The following SLC4A10 variants were observed in gnomAD, a reference collection of about 807,000 sequenced individuals.
The protein encoded by SLC4A10 is solute carrier family 4 member 10, also known as sodium-driven chloride bicarbonate exchanger.
In SLC4A10, 42 loss-of-function variants were observed where a neutral mutation model predicts 137.7. The observed-to-expected ratio is 0.30, with a 90% confidence interval of 0.24 to 0.39. SLC4A10 has a LOEUF of 0.39. Among genes scored for constraint, SLC4A10 ranks in the 10% least tolerant of loss-of-function variants. The pLI, the probability that SLC4A10 is intolerant of heterozygous loss-of-function variation, is 1.00. For missense variants in SLC4A10, 925 were observed against 1,355.0 expected (o/e 0.68, Z 4.98); for synonymous variants, 474 against 464.1 (o/e 1.02, Z -0.27).
At chr2:161,937,947 C>G (rs1691885427) in intron 15 of SLC4A10, among the ~76,000 whole-genome samples, 1 of 151,836 alleles carries the variant, frequency 6.6e-6, no homozygotes, top group African/African-American at 2.4e-5. Flanking sequence ...TATGCTGAAG[C>G]CCTGTTGACT....
intron 1 of SLC4A10, among the ~76,000 whole-genome samples, chr2:161,670,196 G>A (rs1398448973): frequency 6.6e-6 from 1 of 151,812 alleles, no homozygotes; most frequent in Non-Finnish European, 1.5e-5. Flanking sequence ...TATCCGATTT[G>A]CTGAGAAGGA....
chr2:161,751,412 C>T (rs1464775578), intron 1 of SLC4A10, among the ~76,000 whole-genome samples: 1 of 143,380 alleles, frequency 7.0e-6, no homozygotes, highest in Non-Finnish European at 1.5e-5. Context: ...TTTTGTATAA[C>T]TTCTTCAGGT....
chr2:161,674,392 T>C (rs538940092), intron 1 of SLC4A10, among the ~76,000 whole-genome samples: 2 of 152,340 alleles, frequency 1.3e-5, no homozygotes, highest in South Asian at 4.1e-4. Flanking sequence ...TGGCACCTAA[T>C]AGGCACTAAA....
At chr2:161,981,143 C>G (rs1247156518) in intron 26 of SLC4A10, among the ~76,000 whole-genome samples, 1 of 152,198 alleles carries the variant, frequency 6.6e-6, no homozygotes, top group Non-Finnish European at 1.5e-5. Flanking sequence ...ATCTATGGAT[C>G]AAGTTGATAT....
intron 3 of SLC4A10, among the ~76,000 whole-genome samples, chr2:161,816,000 C>A (rs2057022549): frequency 6.6e-6 from 1 of 152,122 alleles, no homozygotes; most frequent in Non-Finnish European, 1.5e-5. Flanking sequence ...TTCTAGATTT[C>A]ACTTTTTTCA....
rs559481805 is a variant in SLC4A10 at position 161,833,682 on chromosome 2, A to G, written c.278-6107A>G. On this transcript the variant is annotated intron_variant, in intron 3 of 26. Transcript: ENST00000446997. ...ACCATGTGACCCTTGAAACTAATCT[A>G]TGTTATGTATTCAGATTTCTGAACC... 1.5e-4 allele frequency among the ~76,000 whole-genome samples: 23 copies of G among 152,318 alleles called. 1 individual carries two copies. Among genetic ancestry groups the G allele is most frequent in the African/African-American group, 5.5e-4 (23 of 41,570 alleles).
chr2:161,721,786 A>G (rs1304474827), intron 1 of SLC4A10, among the ~76,000 whole-genome samples: 1 of 152,086 alleles, frequency 6.6e-6, no homozygotes, highest in Non-Finnish European at 1.5e-5. Context: ...ATGTTTTCCA[A>G]TTTGGTTCCA....
At chr2:161,824,143 T>A (rs1334865206) in intron 3 of SLC4A10, among the ~76,000 whole-genome samples, 1 of 152,294 alleles carries the variant, frequency 6.6e-6, no homozygotes, top group East Asian at 1.9e-4. Flanking sequence ...CAGGAGCTAA[T>A]GTTCATGAAG....
rs757799595 is a variant in SLC4A10 at position 161,905,706 on chromosome 2, A to G, written c.1816A>G (p.Ile606Val). 1.2e-6 allele frequency: 2 copies of G among 1,613,864 alleles called. No homozygotes were observed. The highest frequency in any genetic ancestry group is 2.7e-5 in the African/African-American group (2 of 74,912). ...TGGACTTTGGACTGCAACTCTATGTATCATACTTGTGGCCACAGATGCTAG... is the reference window on the plus strand; with the variant it reads ...TGGACTTTGGACTGCAACTCTATGTGTCATACTTGTGGCCACAGATGCTAG... ...SIGLWTATLC[I>V]ILVATDASSL... is the part of the protein sequence containing the mutation. Residue 606 changes from isoleucine (I) to valine (V), a missense_variant, in exon 15 of 27, where the codon ATC becomes GTC. Around this residue, in one of 11 missense-constraint regions of SLC4A10, gnomAD observed 61 missense variants for 168.0 expected, o/e 0.36. Transcript: ENST00000446997.
At chr2:161,778,023 A>G (rs1297522244) in intron 2 of SLC4A10, among the ~76,000 whole-genome samples, 1 of 152,104 alleles carries the variant, frequency 6.6e-6, no homozygotes, top group East Asian at 1.9e-4. Flanking sequence ...TGTTATATAG[A>G]CAACCTACTT....
intron 3 of SLC4A10, among the ~76,000 whole-genome samples, chr2:161,819,898 G>T (rs2057472657): frequency 6.6e-6 from 1 of 152,186 alleles, no homozygotes; most frequent in Non-Finnish European, 1.5e-5. Flanking sequence ...TAAGTTTGAA[G>T]CATAAGCTTG....
chr2:161,668,794 T>C (rs1196276464), intron 1 of SLC4A10, among the ~76,000 whole-genome samples: 1 of 151,926 alleles, frequency 6.6e-6, no homozygotes, highest in African/African-American at 2.4e-5. Context: ...GAGTCTTTTA[T>C]AGAAGATTTC....
At chr2:161,697,906 C>T (rs926564635) in intron 1 of SLC4A10, among the ~76,000 whole-genome samples, 14 of 152,148 alleles carry the variant, frequency 9.2e-5, no homozygotes, top group African/African-American at 2.4e-4. Context: ...GCCGTATGGC[C>T]GTTTTCACAA....
At chr2:161,977,671 C>T (rs1487630931) in intron 25 of SLC4A10, 51 bp from the exon 26 acceptor site, 5 of 1,517,322 alleles carry the variant, frequency 3.3e-6, no homozygotes, top group Middle Eastern at 1.8e-4. Context: ...ATTTTCGTAA[C>T]CTTAAATTAA....
intron 1 of SLC4A10, among the ~76,000 whole-genome samples, chr2:161,650,565 C>T (rs974606927): frequency 7.9e-5 from 12 of 152,112 alleles, no homozygotes; most frequent in Non-Finnish European, 1.8e-4. Context: ...TCTGGGCATC[C>T]CGGCACTCTC....
intron 1 of SLC4A10, among the ~76,000 whole-genome samples, chr2:161,644,068 C>CTTTTTTTTTTTTTTTTT (rs5835873): frequency 1.4e-5 from 2 of 143,732 alleles, no homozygotes; most frequent in Non-Finnish European, 1.5e-5. Flanking sequence ...GGCTTCTAAT[C>CTTTTTTTTTTTTTTTTT]TTTTTTTTTT....
At chr2:161,940,154 A>C (rs1404512445) in intron 15 of SLC4A10, among the ~76,000 whole-genome samples, 1 of 152,206 alleles carries the variant, frequency 6.6e-6, no homozygotes, top group Non-Finnish European at 1.5e-5. Context: ...AATGAGTCCA[A>C]GGCACCTAAG....
At chr2:161,887,268 A>ATATCTTTATAGTAGAACG (rs984497179) in intron 10 of SLC4A10, among the ~76,000 whole-genome samples, 3 of 152,074 alleles carry the variant, frequency 2.0e-5, no homozygotes, top group Non-Finnish European at 2.9e-5. Flanking sequence ...TAGTACGTTT[A>ATATCTTTATAGTAGAACG]TATCTTTATA....
Position 161,904,883 on chromosome 2 carries a change from T to G in SLC4A10, c.1725T>G (p.Phe575Leu). The change falls in exon 14 of 27, where the codon TTT becomes TTG. Residue 575 changes from phenylalanine to leucine, a missense_variant. Around this residue, in one of 11 missense-constraint regions of SLC4A10, gnomAD observed 61 missense variants for 168.0 expected, o/e 0.36. Coordinates refer to ENST00000446997, the MANE Select transcript of SLC4A10 (RefSeq NM_001178015.2). ...GCAGTACAGGACCAGTTTTGGTGTT[T>G]GAAAAGATTTTGTTTAAATTTTGCA... Reference protein sequence around the residue: ...ILGSTGPVLVFEKILFKFCKE... With the variant: ...ILGSTGPVLVLEKILFKFCKE... The G allele has an allele frequency of 6.2e-7, 1 of 1,613,980 alleles. No individual in the cohort carries two copies. The highest frequency in any genetic ancestry group is 8.5e-7 in the Non-Finnish European group (1 of 1,179,876).
Sources: gnomAD v4.1 joint callset for allele counts (sites outside exome capture counted in the v4.1 genomes callset) on GRCh38, gnomAD v4.1.1 for gene constraint, gnomAD v4.1.1 regional missense constraint, MANE v1.5 for transcripts, NCBI Gene and HGNC (gene_info 2026-07-23, HGNC 2026-07-21) for gene names.